Variants in ACACA observed in about 807,000 individuals in gnomAD.
The protein encoded by ACACA is acetyl-CoA carboxylase alpha, also known as acetyl-CoA carboxylase 1.
A neutral mutation model predicts 296.1 loss-of-function variants in ACACA; 103 were observed. That is an observed-to-expected ratio of 0.35 (90% CI 0.30 to 0.41). ACACA has a LOEUF of 0.41. Ranked by LOEUF, ACACA falls within the 10% of genes least tolerant of loss-of-function variation. The pLI is 1.00. For missense variants in ACACA, 1,554 were observed against 2,989.7 expected (o/e 0.52, Z 11.20); for synonymous variants, 953 against 1,038.6 (o/e 0.92, Z 1.58).
rs2047453012 is a variant in ACACA at position 37,323,570 on chromosome 17, G to A, written c.338+6603C>T. 2.0e-5 allele frequency among the ~76,000 whole-genome samples: 3 copies of A among 152,326 alleles called. No homozygotes were observed. The South Asian group carries it at 6.2e-4, about 32-fold the overall frequency. On this transcript the variant is annotated intron_variant, in intron 3 of 55. Coordinates refer to ENST00000616317, the MANE Select transcript of ACACA (RefSeq NM_198834.3). ...ATTGCGCCACTGAACACTTCAGCCT[G>A]GGTGACAGAGTGAGACCAAACAAAC...
intron 3 of ACACA, chr17:37,289,658 C>T: frequency 3.9e-6 from 2 of 510,522 alleles, no homozygotes; most frequent in Non-Finnish European, 7.6e-6. Flanking sequence ...GTAATATAAT[C>T]TACTCTATTA....
chr17:37,271,183 CA>C (rs2082051005), intron 9 of ACACA, among the ~76,000 whole-genome samples: 1 of 152,110 alleles, frequency 6.6e-6, no homozygotes, highest in Middle Eastern at 3.2e-3. Context: ...CATGTAAGTG[CA>C]AAGAAGTGAA....
intron 50 of ACACA, among the ~76,000 whole-genome samples, chr17:37,114,088 T>A (rs1302240071): frequency 3.3e-5 from 5 of 151,914 alleles, no homozygotes; most frequent in Admixed American, 1.3e-4. Context: ...TTGGCTGAGG[T>A]GGGAGGATCA....
chr17:37,117,548 T>C (rs1169462691), intron 50 of ACACA, among the ~76,000 whole-genome samples: 1 of 152,196 alleles, frequency 6.6e-6, no homozygotes, highest in African/African-American at 2.4e-5. Flanking sequence ...TTCTAGTAAA[T>C]TTCACGCTTG....
intron 12 of ACACA, 131 bp downstream of exon 12, chr17:37,259,229 G>T: frequency 9.6e-7 from 1 of 1,041,628 alleles, no homozygotes; most frequent in African/African-American, 1.6e-5. Flanking sequence ...ACACATACAG[G>T]GTGAAAGAGA....
intron 52 of ACACA, among the ~76,000 whole-genome samples, chr17:37,101,091 A>AT (rs1167331293): frequency 3.2e-5 from 4 of 125,352 alleles, no homozygotes; most frequent in African/African-American, 1.8e-4. Context: ...TCTCAGAAAA[A>AT]AAAAAAAAAA....
intron 25 of ACACA, among the ~76,000 whole-genome samples, chr17:37,229,758 G>A (rs1034987036): frequency 2.0e-5 from 3 of 151,736 alleles, no homozygotes; most frequent in Non-Finnish European, 4.4e-5. Context: ...TAAGAAAAGC[G>A]AACTATGGAG....
intron 2 of ACACA, among the ~76,000 whole-genome samples, chr17:37,333,291 T>G (rs1484535290): frequency 6.6e-6 from 1 of 152,150 alleles, no homozygotes; most frequent in African/African-American, 2.4e-5. Context: ...GAGATTATTC[T>G]AGGCTGTACA....
chr17:37,238,983 T>C (rs1446436466), intron 24 of ACACA, among the ~76,000 whole-genome samples: 3 of 152,108 alleles, frequency 2.0e-5, no homozygotes, highest in African/African-American at 4.8e-5. Flanking sequence ...TGTGCCATCA[T>C]GCCTGGCTAA....
intron 16 of ACACA, 70 bp from the exon 17 acceptor site, chr17:37,248,744 G>A: frequency 8.9e-6 from 10 of 1,119,772 alleles, no homozygotes; most frequent in Non-Finnish European, 1.4e-5. Flanking sequence ...AAACATTATT[G>A]ATTGTAGCAT....
At chr17:37,316,302 TACACAC>T (rs10533479) in intron 3 of ACACA, among the ~76,000 whole-genome samples, 5 of 142,506 alleles carry the variant, frequency 3.5e-5, no homozygotes, top group Non-Finnish European at 6.1e-5. Flanking sequence ...TACCCTTACA[TACACAC>T]ACACACACAC....
At chr17:37,107,192 C>A (rs758606250) in intron 52 of ACACA, among the ~76,000 whole-genome samples, 14 of 152,162 alleles carry the variant, frequency 9.2e-5, no homozygotes, top group Non-Finnish European at 1.6e-4. Context: ...CTAAGGCATG[C>A]GTATCGGAAC....
chr17:37,363,090 G>C (rs1255766775), intron 1 of ACACA, among the ~76,000 whole-genome samples: 2 of 146,926 alleles, frequency 1.4e-5, no homozygotes, highest in African/African-American at 5.0e-5. Context: ...GGGCTCAAGC[G>C]ATCCTGCCAC....
chr17:37,137,186 T>C lies in ACACA; in HGVS notation c.5680-6968A>G, dbSNP rs181474018. On this transcript the variant is annotated intron_variant, in intron 45 of 55. Coordinates refer to ENST00000616317, the MANE Select transcript of ACACA (RefSeq NM_198834.3). ...TGGATACCAATCTTTTATCAGATTA[T>C]GTATTTTCTAAAGATGGAAAACTTT... 7.2e-5 allele frequency among the ~76,000 whole-genome samples: 11 copies of C among 152,224 alleles called. No homozygotes were observed. In the East Asian group the frequency reaches 2.1e-3, roughly 29 times the overall value.
At chr17:37,370,667 G>A (rs1325233227) in intron 1 of ACACA, among the ~76,000 whole-genome samples, 4 of 148,836 alleles carry the variant, frequency 2.7e-5, no homozygotes, top group African/African-American at 7.4e-5. Flanking sequence ...CAAAAATAAT[G>A]TAAATAAATA....
intron 48 of ACACA, among the ~76,000 whole-genome samples, chr17:37,124,609 A>C (rs1162300157): frequency 6.6e-6 from 1 of 152,168 alleles, no homozygotes; most frequent in East Asian, 1.9e-4. Flanking sequence ...CCCCACTGGG[A>C]ATTTTACCAG....
intron 1 of ACACA, among the ~76,000 whole-genome samples, chr17:37,347,658 T>C (rs1478897209): frequency 1.3e-5 from 2 of 151,064 alleles, no homozygotes; most frequent in African/African-American, 4.9e-5. Flanking sequence ...ATCCCAACAC[T>C]TTGGAAGGCT....
chr17:37,106,712 C>G (rs1324262581), intron 52 of ACACA, among the ~76,000 whole-genome samples: 1 of 152,106 alleles, frequency 6.6e-6, no homozygotes, highest in Non-Finnish European at 1.5e-5. Flanking sequence ...TTTTCCTTCC[C>G]TAATTTGCTC....
intron 16 of ACACA, among the ~76,000 whole-genome samples, chr17:37,250,945 TG>T (rs2080962139): frequency 1.3e-5 from 2 of 151,950 alleles, no homozygotes; most frequent in African/African-American, 4.8e-5. Flanking sequence ...GAGAATGGCG[TG>T]AACCCGAGAG....
Sources: allele counts gnomAD v4.1 joint callset (sites outside exome capture counted in the v4.1 genomes callset), GRCh38; gene constraint gnomAD v4.1.1; transcripts MANE v1.5; gene names NCBI Gene and HGNC (gene_info 2026-07-23, HGNC 2026-07-21).